Variants in KIF26B observed in about 807,000 individuals in gnomAD.
KIF26B encodes kinesin family member 26B.
KIF26B carries 63 observed loss-of-function variants against 151.2 expected under a neutral mutation model. The observed-to-expected ratio is 0.42, with a 90% CI of 0.34 to 0.51. The LOEUF (loss-of-function observed/expected upper bound fraction) is 0.51, where lower values mean the gene tolerates loss of function less well. KIF26B is among the 20% of genes least tolerant of loss of function. KIF26B has a pLI of 0.07. For missense variants in KIF26B, 2,813 were observed against 2,913.6 expected (o/e 0.97, Z 0.79); for synonymous variants, 1,357 against 1,262.1 (o/e 1.08, Z -1.59).
At chr1:245,679,475 T>G (rs2044402737) in intron 10 of KIF26B, among the ~76,000 whole-genome samples, 1 of 136,446 alleles carries the variant, frequency 7.3e-6, no homozygotes, top group Admixed American at 7.3e-5. Context: ...TTTTTTTTTT[T>G]TTTTTTTTTT....
At chr1:245,523,268 A>G (rs1039936651) in intron 4 of KIF26B, among the ~76,000 whole-genome samples, 2 of 152,182 alleles carry the variant, frequency 1.3e-5, no homozygotes, top group African/African-American at 4.8e-5. Context: ...TTGCTAAAGC[A>G]TTTATTTGGT....
rs552208269 is a variant in KIF26B, at chr1:245,175,956, ATATC to A, written c.465+19277_465+19280del. ...TAGATGTCTATATATATAGATATCT[ATATC>A]TATATATATAGACATCTATATATAT... On this transcript the variant is annotated intron_variant, in intron 2 of 14. Transcript: ENST00000407071. Among the ~76,000 whole-genome samples the A allele has an allele frequency of 5.7e-3, 848 of 147,596 alleles. 5 individuals are homozygous for A. The highest frequency in any genetic ancestry group is 9.2e-3 in the Non-Finnish European group (620 of 67,128).
intron 2 of KIF26B, among the ~76,000 whole-genome samples, chr1:245,181,927 AG>A (rs1668915538): frequency 6.6e-6 from 1 of 152,156 alleles, no homozygotes; most frequent in Non-Finnish European, 1.5e-5. Flanking sequence ...ACTGTTGTTC[AG>A]TTAGGAATCT....
At chr1:245,664,217 C>A (rs6679856) in intron 10 of KIF26B, among the ~76,000 whole-genome samples, 102,409 of 151,274 alleles carry the variant, frequency 0.68, 34,761 homozygotes, top group East Asian at 0.82. Context: ...AAAAATACAA[C>A]ATTAGCCGGG....
At chr1:245,423,034 G>T (rs1218435112) in intron 4 of KIF26B, among the ~76,000 whole-genome samples, 3 of 149,108 alleles carry the variant, frequency 2.0e-5, no homozygotes, top group African/African-American at 7.5e-5. Flanking sequence ...GGAAGGTGGG[G>T]TTTCGGTGAG....
intron 9 of KIF26B, among the ~76,000 whole-genome samples, chr1:245,639,443 A>G (rs2043865587): frequency 6.6e-6 from 1 of 151,258 alleles, no homozygotes; most frequent in African/African-American, 2.4e-5. Context: ...GGTTTTTTGT[A>G]TTGTTATTTT....
intron 4 of KIF26B, among the ~76,000 whole-genome samples, chr1:245,535,432 G>A (rs1026771000): frequency 1.3e-5 from 2 of 152,136 alleles, no homozygotes; most frequent in Non-Finnish European, 2.9e-5. Context: ...CTCTATCACT[G>A]TTTTTCTGCA....
At chr1:245,605,915 G>C (rs2043448175) in intron 6 of KIF26B, among the ~76,000 whole-genome samples, 1 of 152,172 alleles carries the variant, frequency 6.6e-6, no homozygotes, top group South Asian at 2.1e-4. Context: ...CTCCCAGGTG[G>C]CTCAAGAATC....
chr1:245,397,508 G>A (rs1343782652), intron 3 of KIF26B, among the ~76,000 whole-genome samples: 1 of 152,094 alleles, frequency 6.6e-6, no homozygotes, highest in Non-Finnish European at 1.5e-5. Flanking sequence ...GATCCACTGC[G>A]CCTGGCCCAC....
chr1:245,645,041 T>C (rs1256274064), intron 9 of KIF26B, among the ~76,000 whole-genome samples: 1 of 152,142 alleles, frequency 6.6e-6, no homozygotes, highest in Non-Finnish European at 1.5e-5. Flanking sequence ...CAGCATCTTT[T>C]AAACAACTAG....
In KIF26B at chr1:245,359,317, G is replaced by A. The variant is rs186720096; in HGVS notation, c.466-7517G>A. ...TGCAAGAGTGAGCCACCGCGTCCAG[G>A]CCAGGTTTCTCTTTCTACATCTTCT... On this transcript the variant is annotated intron_variant, in intron 2 of 14. Transcript: ENST00000407071. Among the ~76,000 whole-genome samples the A allele has an allele frequency of 9.1e-3, 1,381 of 152,202 alleles. 21 individuals carry two copies. The highest frequency in any genetic ancestry group is 0.04 in the East Asian group (207 of 5,172).
intron 10 of KIF26B, among the ~76,000 whole-genome samples, chr1:245,660,994 T>TC (rs2044130656): frequency 6.6e-6 from 1 of 150,678 alleles, no homozygotes; most frequent in Non-Finnish European, 1.5e-5. Context: ...TTTTTCTTTT[T>TC]TTTTTTTTTG....
chr1:245,438,630 A>G (rs1457197344), intron 4 of KIF26B, among the ~76,000 whole-genome samples: 11 of 152,152 alleles, frequency 7.2e-5, no homozygotes, highest in Admixed American at 7.2e-4. Context: ...AAGCCCCCAA[A>G]ATGTAAACTA....
Position 245,601,632 on chromosome 1 carries a change from C to T in KIF26B, c.1351-945C>T, listed in dbSNP as rs1236637457. Among the ~76,000 whole-genome samples the T allele has an allele frequency of 6.6e-6, 1 of 152,198 alleles. No individual in the cohort carries two copies. The highest frequency in any genetic ancestry group is 2.4e-5 in the African/African-American group (1 of 41,448). On this transcript the variant is annotated intron_variant, in intron 5 of 14. Transcript: ENST00000407071. The surrounding 1 kb of genome is among the most constrained non-coding windows in gnomAD (Gnocchi z 4.4). ...ATGCATTACATATCTTTGCATCCCC[C>T]ATGCCTAGCACAGTGCCCAGCACAT...
chr1:245,168,745 A>G (rs554910330), intron 2 of KIF26B, among the ~76,000 whole-genome samples: 26 of 152,078 alleles, frequency 1.7e-4, no homozygotes, highest in African/African-American at 6.0e-4. Context: ...ACAGAGCCAT[A>G]TTGATTAGGC....
intron 4 of KIF26B, among the ~76,000 whole-genome samples, chr1:245,476,498 AT>A: frequency 2.9e-5 from 1 of 34,416 alleles, no homozygotes; most frequent in African/African-American, 1.9e-4. Context: ...TAAAAGACAC[AT>A]TTATTTATTT....
At chr1:245,369,189 GAGAGAGAGAC>G (rs1385182282) in intron 3 of KIF26B, among the ~76,000 whole-genome samples, 2,497 of 151,214 alleles carry the variant, frequency 0.017, 68 homozygotes, top group African/African-American at 0.058. Flanking sequence ...GAGAGAGAGA[GAGAGAGAGAC>G]AGACAGACAG....
intron 2 of KIF26B, among the ~76,000 whole-genome samples, chr1:245,192,793 G>A (rs1218993312): frequency 6.6e-6 from 1 of 152,218 alleles, no homozygotes; most frequent in Non-Finnish European, 1.5e-5. Context: ...CACAGATTTG[G>A]GGGGTGCGTG....
intron 4 of KIF26B, among the ~76,000 whole-genome samples, chr1:245,487,222 T>C (rs1378674888): frequency 6.6e-6 from 1 of 152,182 alleles, no homozygotes; most frequent in Non-Finnish European, 1.5e-5. Flanking sequence ...TGCATCTGAA[T>C]TTGCAGTTTC....
Sources: gnomAD v4.1 joint callset for allele counts (sites outside exome capture counted in the v4.1 genomes callset) on GRCh38, gnomAD v4.1.1 for gene constraint, Gnocchi (gnomAD v3.1) non-coding constraint, MANE v1.5 for transcripts, NCBI Gene and HGNC (gene_info 2026-07-23, HGNC 2026-07-21) for gene names.